EXOC6: variants seen among roughly 807,000 people sequenced by gnomAD.
EXOC6 encodes the protein SEC15-like 1.
A neutral mutation model predicts 112.5 loss-of-function variants in EXOC6; 60 were observed. The observed-to-expected ratio is 0.53, with a 90% CI of 0.43 to 0.66. The LOEUF is 0.66. Among genes scored for constraint, EXOC6 ranks in the 30% least tolerant of loss-of-function variants. EXOC6 has a pLI of 0.00. For missense variants in EXOC6, 855 were observed against 957.1 expected (o/e 0.89, Z 1.41); for synonymous variants, 295 against 308.0 (o/e 0.96, Z 0.44).
At chr10:92,970,065 G>T (rs964986891) in intron 17 of EXOC6, among the ~76,000 whole-genome samples, 1 of 151,740 alleles carries the variant, frequency 6.6e-6, no homozygotes, top group Non-Finnish European at 1.5e-5. Context: ...TCAAGACAGG[G>T]GTGATTTCCT....
At chr10:93,045,281 AT>A (rs1388383597) in intron 20 of EXOC6, among the ~76,000 whole-genome samples, 1 of 152,252 alleles carries the variant, frequency 6.6e-6, no homozygotes, top group Non-Finnish European at 1.5e-5. Context: ...AGGGTAAAAC[AT>A]ATGTGACTGC....
chr10:92,849,163 C>T (rs966290383), intron 1 of EXOC6, among the ~76,000 whole-genome samples: 1 of 152,164 alleles, frequency 6.6e-6, no homozygotes, highest in East Asian at 1.9e-4. Context: ...CGCTTTCCCC[C>T]TACTCCCCCG....
intron 18 of EXOC6, among the ~76,000 whole-genome samples, chr10:92,976,476 AAG>A (rs1345590645): frequency 2.0e-4 from 30 of 151,766 alleles, no homozygotes; most frequent in Admixed American, 1.7e-3. Flanking sequence ...CATGCTCGTT[AAG>A]AGTCATCACC....
At chr10:93,009,877 A>T (rs1019153564) in intron 19 of EXOC6, among the ~76,000 whole-genome samples, 1 of 152,198 alleles carries the variant, frequency 6.6e-6, no homozygotes, top group Non-Finnish European at 1.5e-5. Flanking sequence ...ATGATGGGGA[A>T]CTATTGAAGG....
chr10:93,017,745 C>G (rs2134247500), intron 20 of EXOC6, among the ~76,000 whole-genome samples: 1 of 151,832 alleles, frequency 6.6e-6, no homozygotes, highest in East Asian at 1.9e-4. Flanking sequence ...GGCGTGGTGG[C>G]TCATGCCTGT....
intron 2 of EXOC6, among the ~76,000 whole-genome samples, chr10:92,893,839 A>C (rs1363411036): frequency 6.6e-6 from 1 of 152,222 alleles, no homozygotes; most frequent in East Asian, 1.9e-4. Context: ...TACAATATTT[A>C]TAAAATGTTA....
intron 1 of EXOC6, among the ~76,000 whole-genome samples, chr10:92,873,778 C>T (rs951591042): frequency 8.6e-5 from 13 of 152,002 alleles, no homozygotes; most frequent in East Asian, 1.9e-4. Context: ...GGGCCAGGCA[C>T]GGTGGCTCAT....
At chr10:92,991,046 G>C (rs999330908) in intron 18 of EXOC6, among the ~76,000 whole-genome samples, 1 of 151,966 alleles carries the variant, frequency 6.6e-6, no homozygotes, top group Non-Finnish European at 1.5e-5. Flanking sequence ...CAGTTTGCTT[G>C]AGTGACATTT....
chr10:93,039,423 G>T (rs1845663606), intron 20 of EXOC6, among the ~76,000 whole-genome samples: 1 of 152,098 alleles, frequency 6.6e-6, no homozygotes, highest in African/African-American at 2.4e-5. Context: ...CTTGAGGATT[G>T]GAAGGGACTT....
At chr10:92,895,136 C>A in intron 4 of EXOC6, 116 bp downstream of exon 4, 1 of 687,074 alleles carries the variant, frequency 1.5e-6, no homozygotes, top group Non-Finnish European at 2.6e-6. Flanking sequence ...TGCCTCACAA[C>A]AAAGACCATG....
intron 1 of EXOC6, among the ~76,000 whole-genome samples, chr10:92,842,508 A>G (rs1267457192): frequency 6.6e-6 from 1 of 151,796 alleles, no homozygotes; most frequent in African/African-American, 2.4e-5. Flanking sequence ...TATTTTGCCA[A>G]GAGGAGAGAG....
chr10:92,888,555 A>T (rs972364465), intron 1 of EXOC6, among the ~76,000 whole-genome samples: 1 of 152,224 alleles, frequency 6.6e-6, no homozygotes, highest in African/African-American at 2.4e-5. Flanking sequence ...GGGACTCTGT[A>T]TTCGGGTAGT....
chr10:92,875,523 C>T (rs1848645844), intron 1 of EXOC6, among the ~76,000 whole-genome samples: 1 of 152,128 alleles, frequency 6.6e-6, no homozygotes, highest in African/African-American at 2.4e-5. Context: ...CCTGTGATTT[C>T]ATACATATCT....
chr10:92,915,878 C>A lies in EXOC6; in HGVS notation c.784C>A (p.His262Asn). 1 of 1,545,802 alleles carries A rather than the reference C, an allele frequency of 6.5e-7. No homozygotes were observed. The highest frequency in any genetic ancestry group is 8.6e-7 in the Non-Finnish European group (1 of 1,156,690). The change falls in exon 7 of 22, where the codon CAT becomes AAT. Residue 262 changes from histidine to asparagine, a missense_variant. His to Asn is a moderately conservative substitution (Grantham distance 68). Transcript: ENST00000260762. The part of the protein sequence containing the change: ...PEERNETVLK[H>N]SLEEEDENEE... ...GGAAAGGAATGAAACTGTATTGAAA[C>A]ATTCACTTGAAGAAGAGGATGAGAA...
At chr10:92,995,151 C>T (rs1843431237) in intron 18 of EXOC6, among the ~76,000 whole-genome samples, 1 of 151,522 alleles carries the variant, frequency 6.6e-6, no homozygotes, top group Non-Finnish European at 1.5e-5. Flanking sequence ...AAAAGAAATT[C>T]AATGTTAGGA....
At chr10:92,876,766 C>A (rs901343303) in intron 1 of EXOC6, among the ~76,000 whole-genome samples, 14 of 152,140 alleles carry the variant, frequency 9.2e-5, no homozygotes, top group African/African-American at 3.4e-4. Flanking sequence ...AGACCAATCT[C>A]CAGTTCATTT....
intron 17 of EXOC6, among the ~76,000 whole-genome samples, chr10:92,959,398 C>T (rs1452340990): frequency 6.6e-6 from 1 of 152,134 alleles, no homozygotes; most frequent in Non-Finnish European, 1.5e-5. Context: ...GATAAAACCC[C>T]TAGAAGATAA....
At chr10:92,897,233 T>A (rs1849874385) in intron 4 of EXOC6, among the ~76,000 whole-genome samples, 1 of 152,210 alleles carries the variant, frequency 6.6e-6, no homozygotes, top group African/African-American at 2.4e-5. Flanking sequence ...TTGTTACTGC[T>A]ACTGTCTTCG....
chr10:93,033,999 G>C (rs1017073526), intron 20 of EXOC6, among the ~76,000 whole-genome samples: 1 of 152,234 alleles, frequency 6.6e-6, no homozygotes, highest in Admixed American at 6.5e-5. Context: ...ACAGGATGGA[G>C]TCCTGCACTT....
Sources: allele counts gnomAD v4.1 joint callset (sites outside exome capture counted in the v4.1 genomes callset), GRCh38; gene constraint gnomAD v4.1.1; transcripts MANE v1.5; gene names NCBI Gene and HGNC (gene_info 2026-07-23, HGNC 2026-07-21).